Variants in TIGD6 observed in about 807,000 individuals in gnomAD.
The protein encoded by TIGD6 is tigger transposable element derived 6, also known as tigger transposable element-derived protein 6.
A neutral mutation model predicts 2.6 loss-of-function variants in TIGD6; 1 was observed. The observed-to-expected ratio is 0.39, with a 90% CI of 0.14 to 1.85. The LOEUF is 1.85. Among genes scored for constraint, TIGD6 ranks in the 40% most tolerant of loss-of-function variants. The probability of loss-of-function intolerance (pLI) is 0.32; values close to 1 mark genes in which losing one functional copy is unlikely to be tolerated. For missense variants in TIGD6, 601 were observed against 634.2 expected (o/e 0.95, Z 0.56); for synonymous variants, 193 against 221.9 (o/e 0.87, Z 1.16).
chr5:149,998,144 C>G (rs1581239763), intron 1 of TIGD6, among the ~76,000 whole-genome samples: 1 of 149,538 alleles, frequency 6.7e-6, no homozygotes, highest in African/African-American at 2.4e-5. Context: ...AACAAACAAA[C>G]AAAGATGCCA....
Position 149,994,885 on chromosome 5 carries a change from A to C in TIGD6, c.1464T>G (p.Asp488Glu), listed in dbSNP as rs749350835. The change falls in exon 2 of 2, where the codon GAT becomes GAG. Residue 488 changes from aspartate to glutamate, a missense_variant. By Grantham distance (45) the Asp-to-Glu change is conservative (BLOSUM62 2). Coordinates refer to ENST00000296736, the MANE Select transcript of TIGD6 (RefSeq NM_030953.4). The stretch of plus-strand genomic sequence containing the variant: ...TGCCATTTAATTGTCCAAAAATGGC[A>C]TCAGGAATGTCTACACAAGTGGAAA... ...QFLSTCVDIP[D>E]AIFGQLNGID... The C allele has an allele frequency of 1.2e-6, 2 of 1,610,032 alleles. No individual in the cohort carries two copies. The highest frequency in any genetic ancestry group is 1.7e-6 in the Non-Finnish European group (2 of 1,177,098).
In TIGD6 at chr5:149,994,169, C is replaced by G. The variant is rs1755322487; in HGVS notation, c.*614G>C. 6.6e-6 allele frequency: 1 copy of G among 152,144 alleles called. No homozygotes were observed. The highest frequency in any genetic ancestry group is 2.4e-5 in the African/African-American group (1 of 41,404). The allele number at this position is 152,144 out of a possible 1,614,324, so 9.4% of individuals were successfully genotyped here. A position where few individuals can be genotyped will look rare whatever the true frequency, so the allele number is the denominator to read the frequency against. ...GACCAGTGGTTTTCAAAGCATGGAG[C>G]CTGGACTGCATCAGCTGAGAATGTG... On this transcript the variant is annotated 3_prime_UTR_variant, in exon 2 of 2. Transcript: ENST00000296736.
At position 149,995,297 on chromosome 5, in the gene TIGD6, T is replaced by G. The variant is rs138635639; in HGVS notation, c.1052A>C (p.Gln351Pro). The change falls in exon 2 of 2, where the codon CAG becomes CCG. Residue 351 changes from glutamine to proline, a missense_variant. By Grantham distance (76) the Gln-to-Pro change is moderately conservative. Transcript: ENST00000296736. ...CGCTGCAGCAATCATGTCGATGGCC[T>G]GCTTGATGTCCACCTCTTCTTGATC... The part of the protein sequence containing the change: ...SEDQEEVDIK[Q>P]AIDMIAAAWW... 5 of 1,589,468 alleles carry G rather than the reference T, an allele frequency of 3.1e-6. No homozygotes were observed. Among genetic ancestry groups the G allele is most frequent in the Non-Finnish European group, 3.4e-6 (4 of 1,167,668 alleles).
In TIGD6 at chr5:149,994,989, C is replaced by G; in HGVS notation, c.1360G>C (p.Gly454Arg). Reference protein sequence around the residue: ...NTSEAGSEDEGEVSLPEQPKV... With the variant: ...NTSEAGSEDEREVSLPEQPKV... ...GGTTGCTCTGGTAAAGATACCTCCC[C>G]TTCATCTTCACTTCCTGCTTCACTG... The change falls in exon 2 of 2, where the codon GGG becomes CGG. Residue 454 changes from glycine to arginine, a missense_variant. By Grantham distance (125) the Gly-to-Arg change is moderately radical (BLOSUM62 -2). Transcript: ENST00000296736. The G allele has an allele frequency of 6.2e-7, 1 of 1,613,850 alleles. No individual in the cohort carries two copies. The highest frequency in any genetic ancestry group is 1.1e-5 in the South Asian group (1 of 91,028).
intron 1 of TIGD6, among the ~76,000 whole-genome samples, chr5:149,996,722 T>C (rs1362072362): frequency 6.6e-6 from 1 of 152,260 alleles, no homozygotes; most frequent in Non-Finnish European, 1.5e-5. Context: ...GTGAAAGAGC[T>C]TGGCAAATAG....
At position 149,993,788 on chromosome 5, in the gene TIGD6, G is replaced by A. The variant is rs1755314995; in HGVS notation, c.*995C>T. The stretch of plus-strand genomic sequence containing the variant: ...CATTTCGTAAGGCCAGCATGGCAGT[G>A]TGCATCAGTAGTCCCATCTATTTGG... On this transcript the variant is annotated 3_prime_UTR_variant, in exon 2 of 2. Coordinates refer to ENST00000296736, the MANE Select transcript of TIGD6 (RefSeq NM_030953.4). The A allele has an allele frequency of 6.6e-6, 1 of 152,302 alleles. No homozygotes were observed. Among genetic ancestry groups the A allele is most frequent in the Non-Finnish European group, 1.5e-5 (1 of 68,126 alleles). 9.4% of individuals were successfully genotyped at this position (152,302 alleles called of 1,614,324 possible). A position where few individuals can be genotyped will look rare whatever the true frequency, so the allele number is the denominator to read the frequency against.
In TIGD6 at chr5:149,995,924, T is replaced by C. The variant is rs988380723; in HGVS notation, c.425A>G (p.Asp142Gly). 6.2e-7 allele frequency: 1 copy of C among 1,613,822 alleles called. No individual in the cohort carries two copies. The highest frequency in any genetic ancestry group is 1.3e-5 in the African/African-American group (1 of 74,936). Residue 142 changes from aspartate to glycine, a missense_variant, in exon 2 of 2, where the codon GAT becomes GGT. Coordinates refer to ENST00000296736, the MANE Select transcript of TIGD6 (RefSeq NM_030953.4). ...TAGACCATTCATTAACCTGTCACTA[T>C]CTTCTCTACAGACTGCTTTCAAAGC... ...GIALKAVCREDSDRLMNGLGI... is the reference protein window; with the variant it reads ...GIALKAVCREGSDRLMNGLGI...
At chr5:149,996,506 G>A (rs542639228) in intron 1 of TIGD6, 77 bp from the exon 2 acceptor site, 2 of 1,101,642 alleles carry the variant, frequency 1.8e-6, no homozygotes, top group African/African-American at 3.1e-5. Flanking sequence ...TTTACAAATT[G>A]TATTAGGAAA....
In TIGD6 at chr5:149,994,198, G is replaced by A. The variant is rs2113708146; in HGVS notation, c.*585C>T. The A allele has an allele frequency of 6.6e-6, 1 of 152,360 alleles. No individual in the cohort carries two copies. Among genetic ancestry groups the A allele is most frequent in the East Asian group, 1.9e-4 (1 of 5,188 alleles). 9.4% of individuals were successfully genotyped at this position (152,360 alleles called of 1,614,324 possible). ...GACTGCATCAGCTGAGAATGTGTTA[G>A]AAATGCAAATTTTTGGGTCCCACCT... On this transcript the variant is annotated 3_prime_UTR_variant, in exon 2 of 2. Transcript: ENST00000296736.
rs758441676 is a variant in TIGD6 at position 149,995,395 on chromosome 5, T to C, written c.954A>G (p.Ile318Met). 14 of 1,614,144 alleles carry C rather than the reference T, an allele frequency of 8.7e-6. No individual in the cohort carries two copies. The highest frequency in any genetic ancestry group is 3.3e-4 in the Middle Eastern group (2 of 6,084). Residue 318 changes from isoleucine (I) to methionine (M), a missense_variant, in exon 2 of 2, where the codon ATA becomes ATG. Physicochemically the swap from Ile to Met is conservative, Grantham distance 10. Coordinates refer to ENST00000296736, the MANE Select transcript of TIGD6 (RefSeq NM_030953.4). ...TAVLQPLNLG[I>M]IHTMKVLYQS... Reference sequence around the variant, plus strand: ...GGTACAGTACTTTCATGGTGTGAATTATGCCAAGATTCAGTGGCTGCAGGA... The same window carrying C: ...GGTACAGTACTTTCATGGTGTGAATCATGCCAAGATTCAGTGGCTGCAGGA...
At position 149,994,777 on chromosome 5, in the gene TIGD6, C is replaced by T. The variant is rs776519740; in HGVS notation, c.*6G>A. 3 of 1,502,594 alleles carry T rather than the reference C, an allele frequency of 2.0e-6. No individual in the cohort carries two copies. In the South Asian group the frequency reaches 4.2e-5, roughly 21 times the overall value. The allele number at this position is 1,502,594 out of a possible 1,614,324, so 93.1% of individuals were successfully genotyped here. ...TAAACTACATTTTCTGAAATAAATTCCTGCATTATTTTGTTTGGAGGAAAT... is the reference window on the plus strand; with the variant it reads ...TAAACTACATTTTCTGAAATAAATTTCTGCATTATTTTGTTTGGAGGAAAT... On this transcript the variant is annotated 3_prime_UTR_variant, in exon 2 of 2. Coordinates refer to ENST00000296736, the MANE Select transcript of TIGD6 (RefSeq NM_030953.4).
intron 1 of TIGD6, among the ~76,000 whole-genome samples, chr5:149,998,381 G>T (rs555887004): frequency 9.6e-4 from 146 of 151,732 alleles, no homozygotes; most frequent in African/African-American, 2.4e-3. Flanking sequence ...AAGTCCCATG[G>T]TTGCAAACCA....
chr5:149,997,497 A>G (rs1755418377), intron 1 of TIGD6, among the ~76,000 whole-genome samples: 1 of 150,592 alleles, frequency 6.6e-6, no homozygotes. Flanking sequence ...GAGATCGTAC[A>G]TTTGCGTTCT....
In TIGD6 at chr5:149,995,432, T is replaced by C. The variant is rs892504701; in HGVS notation, c.917A>G (p.Asn306Ser). 5.6e-6 allele frequency: 9 copies of C among 1,614,154 alleles called. No individual in the cohort carries two copies. The highest frequency in any genetic ancestry group is 1.1e-5 in the South Asian group (1 of 91,094). ...CAGTGGCTGCAGGACAGCAGTACAG[T>C]TGGAGGGCAGATACCCAACCTGAAT... is the stretch of plus-strand genomic sequence containing the variant. ...ERIQVGYLPS[N>S]CTAVLQPLNL... The change falls in exon 2 of 2, where the codon AAC (asparagine) becomes AGC (serine). Residue 306 changes from asparagine (N) to serine (S), a missense_variant. Physicochemically the swap from Asn to Ser is conservative, Grantham distance 46. Coordinates refer to ENST00000296736, the MANE Select transcript of TIGD6 (RefSeq NM_030953.4).
In TIGD6 at chr5:149,995,692, C is replaced by A; in HGVS notation, c.657G>T (p.Ser219=). The A allele has an allele frequency of 6.2e-7, 1 of 1,614,146 alleles. No homozygotes were observed. Among genetic ancestry groups the A allele is most frequent in the Non-Finnish European group, 8.5e-7 (1 of 1,180,022 alleles). The change falls in exon 2 of 2, where the codon TCG becomes TCT. Residue 219 remains serine (S), a synonymous_variant. Transcript: ENST00000296736. ...RLTALFCCNA[S]GTEKMRPLIV... ...TCAATGGTCTCATTTTTTCAGTCCCCGAGGCATTGCAACAAAAGAGTGCTG... is the reference window on the plus strand; with the variant it reads ...TCAATGGTCTCATTTTTTCAGTCCCAGAGGCATTGCAACAAAAGAGTGCTG...
Position 149,995,657 on chromosome 5 carries a change from C to G in TIGD6, c.692G>C (p.Arg231Thr). ...CTTGAGGCAGTGTGGGCTGGCTGAC[C>G]TACCAACAATCAATGGTCTCATTTT... The part of the protein sequence containing the change: ...TEKMRPLIVG[R>T]SASPHCLKNI... The change falls in exon 2 of 2, where the codon AGG becomes ACG. Residue 231 changes from arginine to threonine, a missense_variant. Physicochemically the swap from Arg to Thr is moderately conservative, Grantham distance 71 (BLOSUM62 -1). Transcript: ENST00000296736. 6.2e-7 allele frequency: 1 copy of G among 1,614,228 alleles called. No homozygotes were observed. Among genetic ancestry groups the G allele is most frequent in the Non-Finnish European group, 8.5e-7 (1 of 1,180,046 alleles).
Position 149,994,839 on chromosome 5 carries a change from T to C in TIGD6, c.1510A>G (p.Arg504Gly). Residue 504 changes from arginine to glycine, a missense_variant, in exon 2 of 2, where the codon AGA (arginine) becomes GGA (glycine). Transcript: ENST00000296736. Reference protein sequence around the residue: ...LNGIDEYLMKRVTQTLIDSKI... With the variant: ...LNGIDEYLMKGVTQTLIDSKI... ...GAATCAATAAGGGTTTGTGTCACTCTTTTCATTAAATATTCATCTATGCCA... is the reference window on the plus strand; with the variant it reads ...GAATCAATAAGGGTTTGTGTCACTCCTTTCATTAAATATTCATCTATGCCA... The C allele has an allele frequency of 1.9e-6, 3 of 1,577,236 alleles. No individual in the cohort carries two copies. The highest frequency in any genetic ancestry group is 1.7e-6 in the Non-Finnish European group (2 of 1,160,522).
Position 149,995,709 on chromosome 5 carries a change from A to T in TIGD6, c.640T>A (p.Phe214Ile). 6.2e-7 allele frequency: 1 copy of T among 1,614,266 alleles called. No homozygotes were observed. The highest frequency in any genetic ancestry group is 8.5e-7 in the Non-Finnish European group (1 of 1,180,050). The change falls in exon 2 of 2, where the codon TTT (phenylalanine) becomes ATT (isoleucine). Residue 214 changes from phenylalanine to isoleucine, a missense_variant. Coordinates refer to ENST00000296736, the MANE Select transcript of TIGD6 (RefSeq NM_030953.4). ...TCAGTCCCCGAGGCATTGCAACAAA[A>T]GAGTGCTGTCAACCGCTGCTTTGCT... ...KKAKQRLTAL[F>I]CCNASGTEKM...
rs1423763249 is a variant in TIGD6 at position 149,995,806 on chromosome 5, T to G, written c.543A>C (p.Thr181=). Residue 181 remains threonine (T), a synonymous_variant, in exon 2 of 2, where the codon ACA becomes ACC. Transcript: ENST00000296736. ...SPDDIFNADE[T]GVFFQLLPQH... ...GGGGAAGCAACTGGAAAAACACTCC[T>G]GTCTCATCAGCATTAAAGATATCAT... is the stretch of plus-strand genomic sequence containing the variant. The G allele has an allele frequency of 6.2e-7, 1 of 1,614,246 alleles. No homozygotes were observed. Among genetic ancestry groups the G allele is most frequent in the Non-Finnish European group, 8.5e-7 (1 of 1,180,052 alleles).
Sources: allele counts gnomAD v4.1 joint callset (sites outside exome capture counted in the v4.1 genomes callset), GRCh38; gene constraint gnomAD v4.1.1; transcripts MANE v1.5; gene names NCBI Gene and HGNC (gene_info 2026-07-23, HGNC 2026-07-21).